The following ATAT1 variants were observed in gnomAD, a reference collection of about 807,000 sequenced individuals.
The protein encoded by ATAT1 is alpha tubulin acetyltransferase 1.
ATAT1 carries 42 observed loss-of-function variants against 57.2 expected under a neutral mutation model. The ratio of observed to expected loss-of-function variants is 0.73; its 90% CI spans 0.57 to 0.95. The LOEUF is 0.95. Among genes scored for constraint, ATAT1 ranks in the 40% least tolerant of loss-of-function variants. The probability of loss-of-function intolerance (pLI) is 0.00; values close to 1 mark genes in which losing one functional copy is unlikely to be tolerated. For synonymous variants in ATAT1, 168 were observed against 187.1 expected (o/e 0.90, Z 0.83); for missense variants, 454 against 523.7 (o/e 0.87, Z 1.30).
chr6:30,642,316 G>A, intron 9 of ATAT1, 69 bp downstream of exon 9: 1 of 1,599,744 alleles, frequency 6.3e-7, no homozygotes. Context: ...ATGCTCAGGG[G>A]ACCCAGGGAA....
At chr6:30,643,990 A>C in intron 10 of ATAT1, 1 of 1,016,462 alleles carries the variant, frequency 9.8e-7, no homozygotes, top group Middle Eastern at 4.9e-4. Flanking sequence ...TCTAGTGTCT[A>C]CTGGTGGCTC....
intron 10 of ATAT1, chr6:30,643,263 G>A: frequency 7.0e-7 from 1 of 1,423,522 alleles, no homozygotes; most frequent in Non-Finnish European, 9.1e-7. Context: ...ATGGTAGGAA[G>A]AACACCGAGA....
chr6:30,645,762 C>A, intron 10 of ATAT1, 133 bp from the exon 11 acceptor site: 2 of 645,946 alleles, frequency 3.1e-6, no homozygotes, highest in Non-Finnish European at 4.9e-6. Context: ...TGATTAAAAC[C>A]TGTTAGGAAT....
intron 10 of ATAT1, chr6:30,644,733 CT>C: frequency 1.4e-6 from 1 of 725,054 alleles, no homozygotes; most frequent in Non-Finnish European, 1.7e-6. Flanking sequence ...CTCAGGACCT[CT>C]GTCCCTCTCA....
chr6:30,646,548 GC>G lies in ATAT1; in HGVS notation c.1139del (p.Pro380ArgfsTer56), dbSNP rs781749454. The G allele has an allele frequency of 6.3e-7, 1 of 1,585,346 alleles. No individual in the cohort carries two copies. The highest frequency in any genetic ancestry group is 1.2e-5 in the South Asian group (1 of 86,910). On this transcript the variant is annotated frameshift_variant, in exon 13 of 13. Transcript: ENST00000330083. LOFTEE classifies it high-confidence loss of function. ...GCACACAGCTCCTCCACAGGCCCCG[GC>G]CCCGCCAGCCCAGTCCTGGACAGTG...
intron 10 of ATAT1, chr6:30,644,180 C>T: frequency 5.1e-6 from 5 of 985,890 alleles, no homozygotes; most frequent in Non-Finnish European, 6.0e-6. Flanking sequence ...TGTCAGGGAA[C>T]CCCAAACTGG....
At chr6:30,644,423 C>T in intron 10 of ATAT1, 1 of 985,928 alleles carries the variant, frequency 1.0e-6, no homozygotes, top group Non-Finnish European at 1.2e-6. Context: ...CTTCCTCTCT[C>T]CTTTCCTCCA....
At chr6:30,634,386 G>T (rs1385560413) in intron 6 of ATAT1, among the ~76,000 whole-genome samples, 2 of 151,794 alleles carry the variant, frequency 1.3e-5, no homozygotes. Context: ...GAGTAGCTGG[G>T]ATTACAGGCG....
In ATAT1 at chr6:30,642,833, G is replaced by GGCCCCCCCCCCCCCCCCCCC; in HGVS notation, c.754_755insGCCCCCCCCCCCCCCCCCCC (p.Ala252GlyfsTer74). 4 of 1,537,842 alleles carry GGCCCCCCCCCCCCCCCCCCC rather than the reference G, an allele frequency of 2.6e-6. No homozygotes were observed. The highest frequency in any genetic ancestry group is 2.3e-5 in the South Asian group (2 of 86,354). ...GGCCCCTCGCCGCGCCACACCTCCA[G>GGCCCCCCCCCCCCCCCCCCC]CCCACCCACCCCCCCGCTCCAGCAG... On this transcript the variant is annotated frameshift_variant, in exon 10 of 13. Coordinates refer to ENST00000330083, the MANE Select transcript of ATAT1 (RefSeq NM_001031722.4). LOFTEE classifies it high-confidence loss of function.
At position 30,646,700 on chromosome 6, in the gene ATAT1, C is replaced by G; in HGVS notation, c.*57C>G. 1 of 1,470,296 alleles carries G rather than the reference C, an allele frequency of 6.8e-7. No individual in the cohort carries two copies. Among genetic ancestry groups the G allele is most frequent in the Non-Finnish European group, 9.1e-7 (1 of 1,102,770 alleles). 91.1% of individuals were successfully genotyped at this position (1,470,296 alleles called of 1,614,324 possible). A position where few individuals can be genotyped will look rare whatever the true frequency, so the allele number is the denominator to read the frequency against. Reference sequence around the variant, plus strand: ...ATTTCTCCCTCACTACAGGAAAGAGCCAAAGCCCAACCCTCATAATAGATG... The same window carrying G: ...ATTTCTCCCTCACTACAGGAAAGAGGCAAAGCCCAACCCTCATAATAGATG... On this transcript the variant is annotated 3_prime_UTR_variant, in exon 13 of 13. Coordinates refer to ENST00000330083, the MANE Select transcript of ATAT1 (RefSeq NM_001031722.4).
In ATAT1 at chr6:30,640,589, A is replaced by C; in HGVS notation, c.602A>C (p.Asp201Ala). The change falls in exon 8 of 13, where the codon GAT (aspartate) becomes GCT (alanine). Residue 201 changes from aspartate (D) to alanine (A), a missense_variant. Transcript: ENST00000330083. ...CGACACTCTCGTGCTGCTGCAGTCG[A>C]TCCCACGCCCGCTGGTAAAGCCTGT... 6.2e-7 allele frequency: 1 copy of C among 1,612,874 alleles called. No homozygotes were observed. Among genetic ancestry groups the C allele is most frequent in the South Asian group, 1.1e-5 (1 of 91,080 alleles).
Position 30,642,833 on chromosome 6 carries a change from G to GGGGCCCCCCCCCCCCCCCCCCCC in ATAT1, c.754_755insGGGCCCCCCCCCCCCCCCCCCCC (p.Ala252GlyfsTer75). On this transcript the variant is annotated frameshift_variant, in exon 10 of 13. Coordinates refer to ENST00000330083, the MANE Select transcript of ATAT1 (RefSeq NM_001031722.4). LOFTEE classifies it high-confidence loss of function. Reference sequence around the variant, plus strand: ...GGCCCCTCGCCGCGCCACACCTCCAGCCCACCCACCCCCCCGCTCCAGCAG... The same window carrying GGGGCCCCCCCCCCCCCCCCCCCC: ...GGCCCCTCGCCGCGCCACACCTCCAGGGGCCCCCCCCCCCCCCCCCCCCCCCACCCACCCCCCCGCTCCAGCAG... 2 of 1,537,874 alleles carry GGGGCCCCCCCCCCCCCCCCCCCC rather than the reference G, an allele frequency of 1.3e-6. No homozygotes were observed. The highest frequency in any genetic ancestry group is 1.7e-6 in the Non-Finnish European group (2 of 1,145,780).
At chr6:30,630,629 T>G (rs1027323901) in intron 6 of ATAT1, among the ~76,000 whole-genome samples, 2 of 150,144 alleles carry the variant, frequency 1.3e-5, no homozygotes, top group African/African-American at 4.9e-5. Flanking sequence ...GAGTGAGGAC[T>G]CCATCTCAAA....
rs1764031654 is a variant in ATAT1 at position 30,636,164 on chromosome 6, G to C, written c.502-4213G>C. 2.0e-5 allele frequency among the ~76,000 whole-genome samples: 3 copies of C among 152,120 alleles called. No homozygotes were observed. In the South Asian group the frequency reaches 6.2e-4, roughly 31 times the overall value. On this transcript the variant is annotated intron_variant, in intron 6 of 12. Transcript: ENST00000330083. ...AGGACATGGATTTGAGTGCTATCTTGGGCTGGGGGTTGGGTAAAGAAAGAT... is the reference window on the plus strand; with the variant it reads ...AGGACATGGATTTGAGTGCTATCTTCGGCTGGGGGTTGGGTAAAGAAAGAT...
In ATAT1 at chr6:30,644,627, TTG is replaced by T. The variant is rs568112596; in HGVS notation, c.933-1264_933-1263del. On this transcript the variant is annotated intron_variant, in intron 10 of 12. Transcript: ENST00000330083. ...TTGTCTGAATAAAGTGTGAAATCTTTTGTGTTTTCTAAATTGACATTTTCAAT... is the reference window on the plus strand; with the variant it reads ...TTGTCTGAATAAAGTGTGAAATCTTTTGTTTTCTAAATTGACATTTTCAAT... The T allele has an allele frequency of 1.5e-5, 15 of 985,474 alleles. No homozygotes were observed. In the African/African-American group the frequency reaches 2.1e-4, roughly 14 times the overall value. The allele number at this position is 985,474 out of a possible 1,614,324, so 61.0% of individuals were successfully genotyped here.
chr6:30,642,841 A>ACCCCCCCCCCCCCCCCCC lies in ATAT1; in HGVS notation c.769_770insCCCCCCCCCCCCCCCCCC (p.Pro256_Arg257insProProProProProPro). On this transcript the variant is annotated inframe_insertion, in exon 10 of 13. Coordinates refer to ENST00000330083, the MANE Select transcript of ATAT1 (RefSeq NM_001031722.4). ...GCCGCGCCACACCTCCAGCCCACCCACCCCCCCGCTCCAGCAGCCTGGGAA... is the reference window on the plus strand; with the variant it reads ...GCCGCGCCACACCTCCAGCCCACCCACCCCCCCCCCCCCCCCCCCCCCCCCGCTCCAGCAGCCTGGGAA... 3.4e-6 allele frequency: 1 copy of ACCCCCCCCCCCCCCCCCC among 296,306 alleles called. No homozygotes were observed. The highest frequency in any genetic ancestry group is 3.2e-5 in the South Asian group (1 of 30,954). 18.4% of individuals were successfully genotyped at this position (296,306 alleles called of 1,614,324 possible). A position where few individuals can be genotyped will look rare whatever the true frequency, so the allele number is the denominator to read the frequency against.
At chr6:30,645,869 C>A in intron 10 of ATAT1, 26 bp from the exon 11 acceptor site, 1 of 1,451,626 alleles carries the variant, frequency 6.9e-7, no homozygotes, top group Non-Finnish European at 9.1e-7. Context: ...TAGCCTCCTC[C>A]CCATCATCTC....
rs530608572 is a variant in ATAT1, at chr6:30,640,559, C to A, written c.572C>A (p.Ala191Glu). Residue 191 changes from alanine (A) to glutamate (E), a missense_variant, in exon 8 of 13, where the codon GCA becomes GAA. Around this residue, in one of 3 missense-constraint regions of ATAT1, gnomAD observed 236 missense variants for 284.5 expected, o/e 0.83. Coordinates refer to ENST00000330083, the MANE Select transcript of ATAT1 (RefSeq NM_001031722.4). ...GGGCCCCCTGCTCCCTCTCTGAGGG[C>A]AACTCGACACTCTCGTGCTGCTGCA... 6.2e-7 allele frequency: 1 copy of A among 1,613,006 alleles called. No individual in the cohort carries two copies. Among genetic ancestry groups the A allele is most frequent in the East Asian group, 2.2e-5 (1 of 44,880 alleles).
chr6:30,646,800 A>G lies in ATAT1; in HGVS notation c.*157A>G. On this transcript the variant is annotated 3_prime_UTR_variant, in exon 13 of 13. Transcript: ENST00000330083. The stretch of plus-strand genomic sequence containing the variant: ...TTTGTATCTTTTAACCAGACCAATA[A>G]AAGTATTTATTTTTATCACAAGAGC... 8.2e-7 allele frequency: 1 copy of G among 1,225,024 alleles called. No individual in the cohort carries two copies. Among genetic ancestry groups the G allele is most frequent in the South Asian group, 2.0e-5 (1 of 50,598 alleles). 75.9% of individuals were successfully genotyped at this position (1,225,024 alleles called of 1,614,324 possible).
Sources: gnomAD v4.1 joint callset for allele counts (sites outside exome capture counted in the v4.1 genomes callset) on GRCh38, gnomAD v4.1.1 for gene constraint, gnomAD v4.1.1 regional missense constraint, MANE v1.5 for transcripts, NCBI Gene and HGNC (gene_info 2026-07-23, HGNC 2026-07-21) for gene names.